Variants in HECTD2 observed in about 807,000 individuals in gnomAD.
The protein encoded by HECTD2 is HECT domain E3 ubiquitin protein ligase 2.
A neutral mutation model predicts 103.2 loss-of-function variants in HECTD2; 35 were observed. That is an observed-to-expected ratio of 0.34 (90% CI 0.26 to 0.45). The LOEUF (loss-of-function observed/expected upper bound fraction) is 0.45. HECTD2 is among the 20% of genes least tolerant of loss of function. HECTD2 has a pLI of 1.00. For synonymous variants in HECTD2, 281 were observed against 329.9 expected, an observed-to-expected ratio of 0.85 and a Z score of 1.61; for missense variants, 596 against 937.4, an observed-to-expected ratio of 0.64 and a Z score of 4.76.
At chr10:91,472,293 A>G (rs1407474952) in intron 5 of HECTD2, among the ~76,000 whole-genome samples, 1 of 152,238 alleles carries the variant, frequency 6.6e-6, no homozygotes, top group Non-Finnish European at 1.5e-5. Context: ...TTCACAATAT[A>G]CAAAAATCAA....
At position 91,485,588 on chromosome 10, in the gene HECTD2, C is replaced by T. The variant is rs546383386; in HGVS notation, c.1094+285C>T. On this transcript the variant is annotated intron_variant, in intron 10 of 20. Transcript: ENST00000298068. ...CTCTTATCTCTTACTATTCTATGCA[C>T]AGGGGTCAGCAAAACTTTTTCTGTA... 1.3e-5 allele frequency: 3 copies of T among 229,434 alleles called. No individual in the cohort carries two copies. The South Asian group carries it at 2.5e-4, about 19-fold the overall frequency. 14.2% of individuals were successfully genotyped at this position (229,434 alleles called of 1,614,324 possible).
chr10:91,422,880 C>T (rs1391485287), intron 1 of HECTD2, among the ~76,000 whole-genome samples: 2 of 152,030 alleles, frequency 1.3e-5, no homozygotes, highest in Admixed American at 6.6e-5. Context: ...CACAAGTGAA[C>T]TAAGCAATAT....
Position 91,485,262 on chromosome 10 carries a change from G to C in HECTD2, c.1053G>C (p.Met351Ile). The part of the protein sequence containing the change: ...YNSTLDHIDL[M>I]EEYHTWQNFG... ...CTACATTGGATCACATTGATCTCAT[G>C]GAAGAATATCATACTTGGCAAAACT... The change falls in exon 10 of 21, where the codon ATG becomes ATC. Residue 351 changes from methionine (M) to isoleucine (I), a missense_variant. Met to Ile is a conservative substitution (Grantham distance 10). This residue lies in a region of HECTD2 where 303 missense variants were observed against 522.5 expected (regional missense o/e 0.58). Coordinates refer to ENST00000298068, the MANE Select transcript of HECTD2 (RefSeq NM_182765.6). The C allele has an allele frequency of 6.3e-7, 1 of 1,594,266 alleles. No homozygotes were observed. The highest frequency in any genetic ancestry group is 2.3e-5 in the East Asian group (1 of 43,742).
intron 20 of HECTD2, among the ~76,000 whole-genome samples, chr10:91,504,780 C>T (rs1847075949): frequency 6.6e-6 from 1 of 151,674 alleles, no homozygotes; most frequent in South Asian, 2.1e-4. Context: ...CAGAGAACAC[C>T]ACAAAGATAC....
chr10:91,491,224 C>G lies in HECTD2; in HGVS notation c.1216C>G (p.Arg406Gly). ...ARQSLVDKVS[R>G]RQRPDMNILF... ...GCAAAGTCTGGTGGATAAAGTATCT[C>G]GAAGACAGAGACCTGATATGAATAT... Residue 406 changes from arginine (R) to glycine (G), a missense_variant, in exon 12 of 21, where the codon CGA becomes GGA. Around this residue, in one of 4 missense-constraint regions of HECTD2, gnomAD observed 303 missense variants for 522.5 expected, o/e 0.58. Coordinates refer to ENST00000298068, the MANE Select transcript of HECTD2 (RefSeq NM_182765.6). The G allele has an allele frequency of 6.3e-7, 1 of 1,577,930 alleles. No individual in the cohort carries two copies. Among genetic ancestry groups the G allele is most frequent in the Non-Finnish European group, 8.7e-7 (1 of 1,152,958 alleles).
chr10:91,502,585 T>C (rs1209810673), intron 20 of HECTD2, among the ~76,000 whole-genome samples: 2 of 152,154 alleles, frequency 1.3e-5, no homozygotes, highest in Admixed American at 1.3e-4. Flanking sequence ...ATCAAGATTA[T>C]ATTTAAAACA....
At chr10:91,478,369 TAGTTG>T in intron 6 of HECTD2, 104 bp downstream of exon 6, 1 of 689,154 alleles carries the variant, frequency 1.5e-6, no homozygotes, top group South Asian at 1.9e-5. Context: ...GAAAAGATTT[TAGTTG>T]AGTTATAATA....
chr10:91,472,729 C>T (rs1307194570), intron 5 of HECTD2, among the ~76,000 whole-genome samples: 1 of 152,126 alleles, frequency 6.6e-6, no homozygotes, highest in Non-Finnish European at 1.5e-5. Flanking sequence ...TAGAGAATTG[C>T]AAATCAAAAC....
intron 5 of HECTD2, among the ~76,000 whole-genome samples, chr10:91,464,045 G>C (rs148473428): frequency 6.6e-6 from 1 of 152,028 alleles, no homozygotes; most frequent in Non-Finnish European, 1.5e-5. Flanking sequence ...TCTAGTCCTC[G>C]AGGGATCCAG....
At chr10:91,482,328 G>C (rs1352123786) in intron 7 of HECTD2, among the ~76,000 whole-genome samples, 1 of 151,748 alleles carries the variant, frequency 6.6e-6, no homozygotes, top group Non-Finnish European at 1.5e-5. Context: ...CATTGTGCTA[G>C]AATTTTATAT....
intron 2 of HECTD2, among the ~76,000 whole-genome samples, chr10:91,449,926 C>T (rs1020189795): frequency 1.6e-4 from 22 of 141,446 alleles, no homozygotes; most frequent in African/African-American, 7.0e-4. Context: ...TAGGAAGAAT[C>T]AATATCATGA....
intron 5 of HECTD2, among the ~76,000 whole-genome samples, chr10:91,472,937 G>T (rs567744797): frequency 6.6e-6 from 1 of 152,254 alleles, no homozygotes; most frequent in Admixed American, 6.5e-5. Flanking sequence ...AAATTTCTCA[G>T]AGTAGAACTC....
At position 91,428,956 on chromosome 10, in the gene HECTD2, A is replaced by C. The variant is rs1307590791; in HGVS notation, c.268+3546A>C. On this transcript the variant is annotated intron_variant, in intron 2 of 20. Coordinates refer to ENST00000298068, the MANE Select transcript of HECTD2 (RefSeq NM_182765.6). ...AGAGAGGGCATCCCTGTCTTGTGCC[A>C]GTTTTCAAAGGGAATGCTTCCAGTT... Among the ~76,000 whole-genome samples the C allele has an allele frequency of 7.9e-5, 12 of 152,146 alleles. No individual in the cohort carries two copies. The South Asian group carries it at 2.5e-3, about 32-fold the overall frequency.
chr10:91,451,682 T>G (rs999286290), intron 2 of HECTD2, among the ~76,000 whole-genome samples: 1 of 152,102 alleles, frequency 6.6e-6, no homozygotes, highest in African/African-American at 2.4e-5. Flanking sequence ...ATTAGCATGT[T>G]TATACTATCT....
intron 9 of HECTD2, 149 bp downstream of exon 9, chr10:91,484,804 AATAG>A (rs943883547): frequency 1.7e-4 from 113 of 663,832 alleles, no homozygotes; most frequent in Non-Finnish European, 2.6e-4. Flanking sequence ...CTACTTTGAT[AATAG>A]ATTTCATAAT....
intron 5 of HECTD2, among the ~76,000 whole-genome samples, chr10:91,468,955 AAAC>A (rs1321875549): frequency 1.3e-5 from 2 of 151,680 alleles, no homozygotes; most frequent in East Asian, 3.9e-4. Context: ...AAAAAAAAAA[AAAC>A]AAGAGTACAG....
At chr10:91,454,809 A>T in intron 2 of HECTD2, among the ~76,000 whole-genome samples, 1 of 151,856 alleles carries the variant, frequency 6.6e-6, no homozygotes, top group Non-Finnish European at 1.5e-5. Context: ...TGTGAGTGAG[A>T]ACATGCGGTG....
chr10:91,468,578 A>G (rs1410427392), intron 5 of HECTD2, among the ~76,000 whole-genome samples: 1 of 152,204 alleles, frequency 6.6e-6, no homozygotes. Flanking sequence ...TGACAGAAGT[A>G]GAATTCAGAA....
At chr10:91,472,529 A>G (rs1275651345) in intron 5 of HECTD2, among the ~76,000 whole-genome samples, 2 of 152,230 alleles carry the variant, frequency 1.3e-5, no homozygotes, top group African/African-American at 4.8e-5. Context: ...AACCTGCAGA[A>G]TAGGAGAAAA....
Sources: gnomAD v4.1 joint callset for allele counts (sites outside exome capture counted in the v4.1 genomes callset) on GRCh38, gnomAD v4.1.1 for gene constraint, gnomAD v4.1.1 regional missense constraint, MANE v1.5 for transcripts, NCBI Gene and HGNC (gene_info 2026-07-23, HGNC 2026-07-21) for gene names.